The following LY75 variants were observed in gnomAD, a reference collection of about 807,000 sequenced individuals.
The protein encoded by LY75 is C-type lectin domain family 13 member B.
LY75 carries 185 observed loss-of-function variants against 231.7 expected under a neutral mutation model. The ratio of observed to expected loss-of-function variants is 0.80; its 90% CI spans 0.71 to 0.90. The LOEUF is 0.90. Among genes scored for constraint, LY75 ranks in the 40% least tolerant of loss-of-function variants. The pLI is 0.00. For synonymous variants in LY75, 668 were observed against 689.0 expected, an observed-to-expected ratio of 0.97 and a Z score of 0.48; for missense variants, 1,947 against 2,050.2, an observed-to-expected ratio of 0.95 and a Z score of 0.97.
intron 7 of LY75, 143 bp from the exon 8 acceptor site, chr2:159,881,383 G>C: frequency 9.8e-7 from 1 of 1,015,364 alleles, no homozygotes. Context: ...ATGTTGATAC[G>C]ACAGGCAGGT....
rs1682744250 is a variant in LY75 at position 159,804,713 on chromosome 2, A to G, written c.*331T>C. 1 of 157,910 alleles carries G rather than the reference A, an allele frequency of 6.3e-6. No individual in the cohort carries two copies. Among genetic ancestry groups the G allele is most frequent in the South Asian group, 2.0e-4 (1 of 5,088 alleles). The allele number at this position is 157,910 out of a possible 1,614,324, so 9.8% of individuals were successfully genotyped here. A position where few individuals can be genotyped will look rare whatever the true frequency, so the allele number is the denominator to read the frequency against. ...AGTAATATGCCTATTTTAATTTTCT[A>G]AGAAGTTTTGTTAAAAATTCTATTA... is the stretch of plus-strand genomic sequence containing the variant. On this transcript the variant is annotated 3_prime_UTR_variant, in exon 35 of 35. Transcript: ENST00000263636.
chr2:159,807,949 C>T, intron 33 of LY75: 2 of 952,186 alleles, frequency 2.1e-6, no homozygotes, highest in Non-Finnish European at 2.5e-6. Flanking sequence ...ATTACTTTCA[C>T]ACCAACCTAA....
chr2:159,850,366 T>A lies in LY75; in HGVS notation c.2985A>T (p.Glu995Asp). ...TTTCCCAAATAATTCCAGTACCTTG[T>A]TCAATCTGGCTCAACACTGAAGGAA... ...GTLPSVLSQI[E>D]QDFITSLLPD... The change falls in exon 22 of 35, where the codon GAA becomes GAT. Residue 995 changes from glutamate to aspartate, a missense_variant. Physicochemically the swap from Glu to Asp is conservative, Grantham distance 45. Transcript: ENST00000263636. 4 of 1,613,712 alleles carry A rather than the reference T, an allele frequency of 2.5e-6. No individual in the cohort carries two copies. The highest frequency in any genetic ancestry group is 3.4e-6 in the Non-Finnish European group (4 of 1,179,716).
intron 13 of LY75, among the ~76,000 whole-genome samples, chr2:159,869,459 T>C (rs2125865926): frequency 6.6e-6 from 1 of 152,252 alleles, no homozygotes; most frequent in East Asian, 1.9e-4. Flanking sequence ...ATCAGCATGA[T>C]GGTAGGATTG....
At position 159,875,501 on chromosome 2, in the gene LY75, A is replaced by T; in HGVS notation, c.1917T>A (p.Pro639=). 6.2e-7 allele frequency: 1 copy of T among 1,614,070 alleles called. No homozygotes were observed. Among genetic ancestry groups the T allele is most frequent in the South Asian group, 1.1e-5 (1 of 91,074 alleles). ...PLGPEEASPK[P]DDPCPEGWQS... is the part of the protein sequence containing the mutation. ...GCCAGCCTTCAGGACAGGGGTCATC[A>T]GGCTTAGGGGATGCTTCTTCAGGCC... is the stretch of plus-strand genomic sequence containing the variant. The change falls in exon 12 of 35, where the codon CCT becomes CCA. Residue 639 remains proline (P), a synonymous_variant. Coordinates refer to ENST00000263636, the MANE Select transcript of LY75 (RefSeq NM_002349.4).
At chr2:159,815,727 G>T in intron 30 of LY75, 154 bp from the exon 31 acceptor site, 1 of 465,908 alleles carries the variant, frequency 2.1e-6, no homozygotes. Flanking sequence ...TTGTAGGTCT[G>T]ATTTACTTCT....
chr2:159,860,673 G>T, intron 15 of LY75, 148 bp downstream of exon 15: 1 of 835,358 alleles, frequency 1.2e-6, no homozygotes. Context: ...AAGTTAGGCT[G>T]CTGAGGGCCA....
chr2:159,858,436 T>C lies in LY75; in HGVS notation c.2309A>G (p.Asp770Gly), dbSNP rs759725903. The C allele has an allele frequency of 2.7e-5, 43 of 1,613,414 alleles. No individual in the cohort carries two copies. In the East Asian group the frequency reaches 7.8e-4, roughly 29 times the overall value. ...RPWRRGWHFY[D>G]DREFIYLRPF... ...CCTCAAATAAATAAATTCTCTATCATCATAGAAATGCCAGCCTCTTCGCCA... is the reference window on the plus strand; with the variant it reads ...CCTCAAATAAATAAATTCTCTATCACCATAGAAATGCCAGCCTCTTCGCCA... Residue 770 changes from aspartate (D) to glycine (G), a missense_variant, in exon 16 of 35, where the codon GAT (aspartate) becomes GGT (glycine). By Grantham distance (94) the Asp-to-Gly change is moderately conservative. Coordinates refer to ENST00000263636, the MANE Select transcript of LY75 (RefSeq NM_002349.4).
intron 1 of LY75, 115 bp downstream of exon 1, chr2:159,904,474 C>A: frequency 1.7e-6 from 2 of 1,199,128 alleles, no homozygotes. Flanking sequence ...CCCGCCCCAA[C>A]AGCAAAGCAG....
Position 159,805,117 on chromosome 2 carries a change from G to C in LY75, c.5096C>G (p.Ala1699Gly). 2 of 1,613,984 alleles carry C rather than the reference G, an allele frequency of 1.2e-6. No homozygotes were observed. The highest frequency in any genetic ancestry group is 1.7e-6 in the Non-Finnish European group (2 of 1,179,886). ...TGCATATCGAACTGATGAGAAACCCGCCAGGTGCAAACGGTGCCTTTGGAA... is the reference window on the plus strand; with the variant it reads ...TGCATATCGAACTGATGAGAAACCCCCCAGGTGCAAACGGTGCCTTTGGAA... ...FLFQRHRLHL[A>G]GFSSVRYAQG... The change falls in exon 35 of 35, where the codon GCG becomes GGG. Residue 1699 changes from alanine to glycine, a missense_variant. Transcript: ENST00000263636.
chr2:159,878,409 T>A lies in LY75; in HGVS notation c.1689A>T (p.Val563=). Residue 563 remains valine (V), a synonymous_variant, in exon 11 of 35, where the codon GTA becomes GTT. Transcript: ENST00000263636. The stretch of plus-strand genomic sequence containing the variant: ...CCCAGTTATACTCTCCACAAGAATC[T>A]ACATCTCTCAGGCCAGTCCAGAAGT... ...RKYFWTGLRD[V]DSCGEYNWAT... 6.2e-7 allele frequency: 1 copy of A among 1,614,128 alleles called. No individual in the cohort carries two copies.
At position 159,831,794 on chromosome 2, in the gene LY75, A is replaced by T; in HGVS notation, c.3842-8T>A. 1 of 1,588,474 alleles carries T rather than the reference A, an allele frequency of 6.3e-7. No homozygotes were observed. Among genetic ancestry groups the T allele is most frequent in the South Asian group, 1.2e-5 (1 of 86,730 alleles). Reference sequence around the variant, plus strand: ...GAATATGTGATTTTGGATCTGTTGAATAAAAAATAATCAATAATTTTAACA... The same window carrying T: ...GAATATGTGATTTTGGATCTGTTGATTAAAAAATAATCAATAATTTTAACA... On this transcript the variant is annotated splice_region_variant and splice_polypyrimidine_tract_variant and intron_variant, in intron 27 of 34. Transcript: ENST00000263636.
intron 28 of LY75, among the ~76,000 whole-genome samples, chr2:159,820,486 G>T (rs1683253013): frequency 6.6e-6 from 1 of 152,188 alleles, no homozygotes; most frequent in African/African-American, 2.4e-5. Context: ...AAGCTATGAG[G>T]ATGCAAAGGC....
chr2:159,878,762 T>G, intron 9 of LY75, 41 bp from the exon 10 acceptor site: 1 of 1,604,204 alleles, frequency 6.2e-7, no homozygotes. Flanking sequence ...TTTTCCAGAC[T>G]TGATGGTGTC....
Position 159,850,107 on chromosome 2 carries a change from G to C in LY75, c.3023C>G (p.Ala1008Gly). 6.2e-7 allele frequency: 1 copy of C among 1,612,806 alleles called. No individual in the cohort carries two copies. The highest frequency in any genetic ancestry group is 8.5e-7 in the Non-Finnish European group (1 of 1,179,632). ...CCAGCGCAAACCAATCCATAAAGTA[G>C]CTTCCATATCCGGAAGCAAGGATGT... ...FITSLLPDME[A>G]TLWIGLRWTA... Residue 1008 changes from alanine (A) to glycine (G), a missense_variant, in exon 23 of 35, where the codon GCT becomes GGT. Coordinates refer to ENST00000263636, the MANE Select transcript of LY75 (RefSeq NM_002349.4).
Position 159,810,534 on chromosome 2 carries a change from G to A in LY75, c.4691C>T (p.Ser1564Leu), listed in dbSNP as rs759520786. The A allele has an allele frequency of 6.2e-7, 1 of 1,611,506 alleles. No homozygotes were observed. Among genetic ancestry groups the A allele is most frequent in the Non-Finnish European group, 8.5e-7 (1 of 1,179,238 alleles). ...HSFSEAKKLCSKHDHSATIVS... is the reference protein window; with the variant it reads ...HSFSEAKKLCLKHDHSATIVS... ...AACAAATTTTAACTCACCATGTTTT[G>A]AACACAATTTTTTGGCCTCTGAAAA... Residue 1564 changes from serine (S) to leucine (L), a missense_variant, in exon 32 of 35, where the codon TCA (serine) becomes TTA (leucine). Transcript: ENST00000263636.
At position 159,816,817 on chromosome 2, in the gene LY75, A is replaced by C. The variant is rs751953664; in HGVS notation, c.4369T>G (p.Ser1457Ala). Residue 1457 changes from serine to alanine, a missense_variant, in exon 30 of 35, where the codon TCA becomes GCA. By Grantham distance (99) the Ser-to-Ala change is moderately conservative. Coordinates refer to ENST00000263636, the MANE Select transcript of LY75 (RefSeq NM_002349.4). ...RDGFPLWVGL[S>A]SHDGSESSFE... The stretch of plus-strand genomic sequence containing the variant: ...GAAGCAAGACTTACATCATGACTTG[A>C]GAGCCCAACCCATAGTGGAAATCCA... 4 of 1,613,862 alleles carry C rather than the reference A, an allele frequency of 2.5e-6. No homozygotes were observed. The highest frequency in any genetic ancestry group is 3.4e-6 in the Non-Finnish European group (4 of 1,179,804).
At chr2:159,858,168 T>C (rs1172355143) in intron 16 of LY75, among the ~76,000 whole-genome samples, 194 bp downstream of exon 16, 1 of 152,180 alleles carries the variant, frequency 6.6e-6, no homozygotes, top group Admixed American at 6.5e-5. Context: ...GAGTAAGATA[T>C]CACTAAATTT....
intron 31 of LY75, among the ~76,000 whole-genome samples, chr2:159,815,146 G>A (rs980869993): frequency 6.6e-5 from 10 of 151,940 alleles, no homozygotes; most frequent in Non-Finnish European, 1.5e-4. Context: ...GACTACAGGC[G>A]CCCGCCACCA....
Sources: gnomAD v4.1 joint callset for allele counts (sites outside exome capture counted in the v4.1 genomes callset) on GRCh38, gnomAD v4.1.1 for gene constraint, MANE v1.5 for transcripts, NCBI Gene and HGNC (gene_info 2026-07-23, HGNC 2026-07-21) for gene names.